NBN: variants seen among roughly 807,000 people sequenced by gnomAD.
NBN encodes nibrin, also known as Nijmegen breakage syndrome 1 (nibrin).
Under a neutral mutation model 90.8 loss-of-function variants are expected in NBN, and 88 were observed. The ratio of observed to expected loss-of-function variants is 0.97; its 90% CI spans 0.82 to 1.16. NBN has a LOEUF of 1.16. Ranked by LOEUF, NBN falls within the 50% of genes most tolerant of loss-of-function variation. NBN has a pLI of 0.00. For synonymous variants in NBN, 328 were observed against 295.1 expected (o/e 1.11, Z -1.14); for missense variants, 894 against 869.6 (o/e 1.03, Z -0.35).
chr8:89,950,380 C>T (rs761909315), intron 11 of NBN, among the ~76,000 whole-genome samples: 15 of 152,134 alleles, frequency 9.9e-5, no homozygotes, highest in Non-Finnish European at 1.8e-4. Flanking sequence ...GTAAGTGCTA[C>T]GTAAGTAGTT....
chr8:89,934,244 A>C lies in NBN; in HGVS notation c.*1338T>G, dbSNP rs1026794999. ...AATATGCCCTGTCAATTCTACTTCT[A>C]AAGTATCCCATGTTCTATCCAATGT... is the stretch of plus-strand genomic sequence containing the variant. On this transcript the variant is annotated 3_prime_UTR_variant, in exon 16 of 16. Transcript: ENST00000265433. 3.0e-5 allele frequency: 7 copies of C among 231,862 alleles called. No individual in the cohort carries two copies. Among genetic ancestry groups the C allele is most frequent in the African/African-American group, 1.5e-4 (7 of 45,264 alleles). 14.4% of individuals were successfully genotyped at this position (231,862 alleles called of 1,614,324 possible).
At chr8:89,962,636 T>C (rs1282677479) in intron 8 of NBN, among the ~76,000 whole-genome samples, 1 of 152,180 alleles carries the variant, frequency 6.6e-6, no homozygotes, top group East Asian at 1.9e-4. Flanking sequence ...ATTAATCATA[T>C]CACGATTCCA....
At chr8:89,973,099 T>C (rs1811589486) in intron 5 of NBN, among the ~76,000 whole-genome samples, 1 of 152,188 alleles carries the variant, frequency 6.6e-6, no homozygotes, top group Non-Finnish European at 1.5e-5. Flanking sequence ...CTAACTTTAT[T>C]AGTGTCATTC....
In NBN at chr8:89,964,496, C is replaced by G; in HGVS notation, c.908G>C (p.Arg303Thr). 1 of 1,595,012 alleles carries G rather than the reference C, an allele frequency of 6.3e-7. No homozygotes were observed. The highest frequency in any genetic ancestry group is 8.6e-7 in the Non-Finnish European group (1 of 1,162,814). ...TCCAATTTCTGCTTCAGGAATAGGT[C>G]TAAGACCTTGCCTATTAGAATAAAA... Reference protein sequence around the residue: ...IMDMLQRQGLRPIPEAEIGLA... With the variant: ...IMDMLQRQGLTPIPEAEIGLA... Residue 303 changes from arginine (R) to threonine (T), a missense_variant, in exon 8 of 16, where the codon AGA becomes ACA. Physicochemically the swap from Arg to Thr is moderately conservative, Grantham distance 71. Coordinates refer to ENST00000265433, the MANE Select transcript of NBN (RefSeq NM_002485.5).
chr8:89,946,885 T>C (rs1458580393), intron 12 of NBN, among the ~76,000 whole-genome samples: 2 of 152,306 alleles, frequency 1.3e-5, no homozygotes, highest in South Asian at 4.1e-4. Flanking sequence ...ATCTTTCAAT[T>C]GCTGGATGAG....
chr8:89,944,605 G>T (rs1433490975), intron 13 of NBN, among the ~76,000 whole-genome samples: 3 of 152,100 alleles, frequency 2.0e-5, no homozygotes, highest in African/African-American at 7.2e-5. Context: ...ACTTCCTGGT[G>T]CTGGGGCTCT....
rs587781868 is a variant in NBN at position 89,970,545 on chromosome 8, T to G, written c.715A>C (p.Ser239Arg). The G allele has an allele frequency of 2.5e-6, 4 of 1,613,352 alleles. No homozygotes were observed. The highest frequency in any genetic ancestry group is 3.4e-6 in the Non-Finnish European group (4 of 1,179,452). The change falls in exon 7 of 16, where the codon AGT (serine) becomes CGT (arginine). Residue 239 changes from serine to arginine, a missense_variant. Ser to Arg is a moderately radical substitution (Grantham distance 110, BLOSUM62 -1). Transcript: ENST00000265433. ...CCACCTCCAAAGACAACTGCGGAAC[T>G]CAATTTCTTATGCTAAAAATGGAAG... ...FLNAKQHKKL[S>R]SAVVFGGGEA...
chr8:89,955,393 A>T lies in NBN; in HGVS notation c.1287T>A (p.Tyr429Ter). Reference sequence around the variant, plus strand: ...TTGGCAATTTAGTTGGTGAAAGCTGATAGTTTGGGATTCTCATCTTAGCCA... The same window carrying T: ...TTGGCAATTTAGTTGGTGAAAGCTGTTAGTTTGGGATTCTCATCTTAGCCA... ...NTLAKMRIPNYQLSPTKLPSI... is the reference protein window; with the variant it reads ...NTLAKMRIPN The change falls in exon 10 of 16, where the codon TAT becomes TAA. Residue 429 changes from tyrosine to a stop codon, truncating the protein, a stop_gained. Transcript: ENST00000265433. LOFTEE classifies it high-confidence loss of function. 6.2e-7 allele frequency: 1 copy of T among 1,613,778 alleles called. No individual in the cohort carries two copies. The highest frequency in any genetic ancestry group is 1.1e-5 in the South Asian group (1 of 91,062).
chr8:89,969,277 C>CG (rs1424243556), intron 7 of NBN, among the ~76,000 whole-genome samples: 2 of 152,214 alleles, frequency 1.3e-5, no homozygotes, highest in Non-Finnish European at 2.9e-5. Flanking sequence ...AGCTCTTTTA[C>CG]AGTCTCCCTC....
chr8:89,957,185 C>A (rs920557324), intron 9 of NBN, among the ~76,000 whole-genome samples: 4 of 152,178 alleles, frequency 2.6e-5, no homozygotes, highest in Non-Finnish European at 5.9e-5. Flanking sequence ...TAGGAGATGA[C>A]AGCTCCATGT....
intron 4 of NBN, 99 bp downstream of exon 4, chr8:89,980,635 C>T: frequency 1.0e-6 from 1 of 984,728 alleles, no homozygotes; most frequent in South Asian, 1.5e-5. Context: ...ACTAACAGTT[C>T]TGATAGTTTT....
chr8:89,983,427 G>A (rs1295301908), intron 1 of NBN, among the ~76,000 whole-genome samples: 3 of 132,288 alleles, frequency 2.3e-5, no homozygotes, highest in Non-Finnish European at 3.3e-5. Flanking sequence ...GTGAGACTCC[G>A]TCTCAAAAAA....
At chr8:89,960,784 T>G (rs1198062474) in intron 8 of NBN, among the ~76,000 whole-genome samples, 2 of 152,176 alleles carry the variant, frequency 1.3e-5, no homozygotes, top group Non-Finnish European at 2.9e-5. Flanking sequence ...TTATTTCAAG[T>G]GCTTGCCATA....
intron 9 of NBN, 140 bp from the exon 10 acceptor site, chr8:89,955,695 A>G: frequency 9.8e-7 from 1 of 1,019,544 alleles, no homozygotes; most frequent in Admixed American, 2.7e-5. Context: ...AATATATTTT[A>G]CCATCCCAAG....
At position 89,943,246 on chromosome 8, in the gene NBN, T is replaced by G. The variant is rs200812782; in HGVS notation, c.2184+7A>C. 6.2e-7 allele frequency: 1 copy of G among 1,613,520 alleles called. No individual in the cohort carries two copies. Among genetic ancestry groups the G allele is most frequent in the African/African-American group, 1.3e-5 (1 of 74,900 alleles). ...AAGCAAGTTTCTGGGCCTCACTTCC[T>G]ACTAACCTCCATTTCCTGCCTTAGC... is the stretch of plus-strand genomic sequence containing the variant. On this transcript the variant is annotated splice_region_variant and intron_variant, in intron 14 of 15. Transcript: ENST00000265433.
chr8:89,962,719 T>C (rs1223085852), intron 8 of NBN, among the ~76,000 whole-genome samples: 2 of 152,224 alleles, frequency 1.3e-5, no homozygotes, highest in Non-Finnish European at 2.9e-5. Flanking sequence ...AGGTTACCTA[T>C]GTACAGACAC....
intron 15 of NBN, 41 bp from the exon 16 acceptor site, chr8:89,935,653 G>A: frequency 1.3e-6 from 2 of 1,598,746 alleles, no homozygotes; most frequent in Non-Finnish European, 1.7e-6. Flanking sequence ...TTTAGATAAG[G>A]GATGGTATTT....
Position 89,955,486 on chromosome 8 carries a change from T to G in NBN, c.1194A>C (p.Gln398His), listed in dbSNP as rs200046373. Residue 398 changes from glutamine (Q) to histidine (H), a missense_variant, in exon 10 of 16, where the codon CAA becomes CAC. Transcript: ENST00000265433. ...AGGACTCCTTTACAGTGGGTGCATC[T>G]TGTGAAAGCATTCTGAATTTTTGTT... ...KMEQKFRMLS[Q>H]DAPTVKESCK... 1.9e-6 allele frequency: 3 copies of G among 1,613,682 alleles called. No individual in the cohort carries two copies. The highest frequency in any genetic ancestry group is 2.5e-6 in the Non-Finnish European group (3 of 1,179,674).
rs77263868 is a variant in NBN, at chr8:89,944,150, G to A, written c.2071-784C>T. Among the ~76,000 whole-genome samples, 968 of 152,220 alleles carry A rather than the reference G, an allele frequency of 6.4e-3. 11 individuals are homozygous for A. The highest frequency in any genetic ancestry group is 0.022 in the African/African-American group (897 of 41,526). ...ACCTAGGCTGGAGAGTGCAGTGTGA[G>A]GAGAGAGAAAATCACCTGGTGACCA... On this transcript the variant is annotated intron_variant, in intron 13 of 15. Transcript: ENST00000265433.
Sources: gnomAD v4.1 joint callset for allele counts (sites outside exome capture counted in the v4.1 genomes callset) on GRCh38, gnomAD v4.1.1 for gene constraint, MANE v1.5 for transcripts, NCBI Gene and HGNC (gene_info 2026-07-23, HGNC 2026-07-21) for gene names.